Variants in STAC observed in about 807,000 individuals in gnomAD.
STAC encodes SH3 and cysteine rich domain, also known as SH3 and cysteine-rich domain-containing protein.
STAC carries 43 observed loss-of-function variants against 48.8 expected under a neutral mutation model. The observed-to-expected ratio is 0.88, with a 90% CI of 0.69 to 1.14. The LOEUF (loss-of-function observed/expected upper bound fraction) is 1.14. Ranked by LOEUF, STAC falls within the 50% of genes most tolerant of loss-of-function variation. The probability of loss-of-function intolerance (pLI) is 0.00; values close to 1 mark genes in which losing one functional copy is unlikely to be tolerated. For missense variants in STAC, 497 were observed against 504.0 expected (o/e 0.99, Z 0.13); for synonymous variants, 193 against 179.5 (o/e 1.07, Z -0.60).
chr3:36,540,687 C>T (rs1011666579), intron 10 of STAC, among the ~76,000 whole-genome samples: 9 of 152,160 alleles, frequency 5.9e-5, no homozygotes, highest in South Asian at 4.2e-4. Flanking sequence ...GGGAGCTGAA[C>T]GCAGCAACAT....
chr3:36,390,869 A>T (rs955235623), intron 1 of STAC, among the ~76,000 whole-genome samples: 9 of 152,068 alleles, frequency 5.9e-5, no homozygotes, highest in African/African-American at 1.2e-4. Flanking sequence ...AAATTTGAAA[A>T]TTTTTTTCCA....
chr3:36,484,928 C>A, intron 3 of STAC, 49 bp from the exon 4 acceptor site: 1 of 1,476,680 alleles, frequency 6.8e-7, no homozygotes, highest in African/African-American at 1.4e-5. Context: ...GTATGGTTTT[C>A]TCCATCTCCA....
intron 5 of STAC, among the ~76,000 whole-genome samples, chr3:36,487,302 G>A (rs549169897): frequency 5.3e-5 from 8 of 152,324 alleles, no homozygotes; most frequent in South Asian, 2.1e-4. Flanking sequence ...TGAATAGGTC[G>A]GGTAGGCAAG....
At chr3:36,490,862 C>A (rs1252205473) in intron 5 of STAC, among the ~76,000 whole-genome samples, 1 of 152,140 alleles carries the variant, frequency 6.6e-6, no homozygotes, top group Non-Finnish European at 1.5e-5. Flanking sequence ...GTTTTAGGAG[C>A]AAAAAGCATA....
intron 1 of STAC, among the ~76,000 whole-genome samples, chr3:36,394,377 C>T (rs1432174109): frequency 6.6e-6 from 1 of 152,156 alleles, no homozygotes; most frequent in East Asian, 1.9e-4. Flanking sequence ...ACTTCATTGT[C>T]TGTGCTAAGG....
chr3:36,408,228 T>TA (rs1234455951), intron 1 of STAC, among the ~76,000 whole-genome samples: 1 of 152,304 alleles, frequency 6.6e-6, no homozygotes, highest in East Asian at 1.9e-4. Flanking sequence ...ATCCTCTCCA[T>TA]AGGCCCTGCC....
intron 1 of STAC, among the ~76,000 whole-genome samples, chr3:36,432,199 C>T (rs954273907): frequency 1.3e-5 from 2 of 152,164 alleles, no homozygotes; most frequent in Non-Finnish European, 2.9e-5. Context: ...ATCCTCACAA[C>T]AAATCTGCAG....
intron 2 of STAC, among the ~76,000 whole-genome samples, chr3:36,455,760 GGTGTGTGTGT>G (rs71085125): frequency 3.4e-5 from 5 of 149,168 alleles, no homozygotes; most frequent in African/African-American, 7.4e-5. Flanking sequence ...GAAACAGGCA[GGTGTGTGTGT>G]GTGTGTGTGT....
chr3:36,481,814 T>C (rs1697654653), intron 2 of STAC, among the ~76,000 whole-genome samples: 1 of 152,194 alleles, frequency 6.6e-6, no homozygotes, highest in African/African-American at 2.4e-5. Context: ...TTTTAGTTTT[T>C]TCCAAGAATG....
intron 10 of STAC, among the ~76,000 whole-genome samples, chr3:36,545,290 CT>C (rs1699419826): frequency 6.6e-6 from 1 of 152,204 alleles, no homozygotes; most frequent in African/African-American, 2.4e-5. Flanking sequence ...GCAATTCATG[CT>C]CCAGAGCTCC....
intron 1 of STAC, among the ~76,000 whole-genome samples, chr3:36,397,543 T>C (rs1005386417): frequency 3.3e-4 from 50 of 152,044 alleles, no homozygotes; most frequent in African/African-American, 1.1e-3. Context: ...ACCAAAAAAA[T>C]AGCAAAAGAA....
At chr3:36,445,286 C>T (rs933573895) in intron 2 of STAC, among the ~76,000 whole-genome samples, 4 of 152,160 alleles carry the variant, frequency 2.6e-5, no homozygotes, top group Admixed American at 6.5e-5. Flanking sequence ...GAGAGTTGCA[C>T]TGCACTTTTC....
At position 36,390,451 on chromosome 3, in the gene STAC, CTTTTT is replaced by C. The variant is rs59589769; in HGVS notation, c.111+9714_111+9718del. Among the ~76,000 whole-genome samples the C allele has an allele frequency of 3.8e-4, 31 of 80,842 alleles. 1 individual carries two copies. The highest frequency in any genetic ancestry group is 1.1e-3 in the African/African-American group (26 of 23,798). 53.0% of individuals were successfully genotyped at this position (80,842 alleles called of 152,430 possible). A position where few individuals can be genotyped will look rare whatever the true frequency, so the allele number is the denominator to read the frequency against. On this transcript the variant is annotated intron_variant, in intron 1 of 10. Coordinates refer to ENST00000273183, the MANE Select transcript of STAC (RefSeq NM_003149.3). ...GAAGTAATCATGTGATTTTTCTTTT[CTTTTT>C]TTTTTTTTTTTTTTTTGTCCTTTGG...
chr3:36,535,086 T>A (rs1699167504), intron 10 of STAC, among the ~76,000 whole-genome samples: 1 of 152,180 alleles, frequency 6.6e-6, no homozygotes, highest in Non-Finnish European at 1.5e-5. Context: ...TACATGATAC[T>A]TTTTCTTTCT....
At chr3:36,508,112 A>G (rs1230207534) in intron 8 of STAC, among the ~76,000 whole-genome samples, 1 of 152,164 alleles carries the variant, frequency 6.6e-6, no homozygotes. Context: ...AGATTCTGGT[A>G]CATTGTGTCT....
chr3:36,531,917 T>G (rs1699082068), intron 10 of STAC, among the ~76,000 whole-genome samples: 2 of 152,200 alleles, frequency 1.3e-5, no homozygotes, highest in African/African-American at 4.8e-5. Flanking sequence ...ACAATGGTAG[T>G]AAAAAACTTA....
chr3:36,489,327 A>G (rs944825340), intron 5 of STAC, among the ~76,000 whole-genome samples: 1 of 152,164 alleles, frequency 6.6e-6, no homozygotes, highest in Admixed American at 6.5e-5. Context: ...ACTTTTGAAG[A>G]CTGACCTCAG....
chr3:36,499,211 G>A (rs746133929), intron 6 of STAC, among the ~76,000 whole-genome samples: 4 of 152,144 alleles, frequency 2.6e-5, no homozygotes, highest in Non-Finnish European at 5.9e-5. Context: ...AATGTAAGAA[G>A]AAATAAAGAG....
chr3:36,469,525 T>C lies in STAC; in HGVS notation c.389-13467T>C, dbSNP rs1436299153. On this transcript the variant is annotated intron_variant, in intron 2 of 10. Coordinates refer to ENST00000273183, the MANE Select transcript of STAC (RefSeq NM_003149.3). ...GACTCAAGGATTCTTTCCTTTGTCT[T>C]GACTTTACATAAACTGATGACAATG... is the stretch of plus-strand genomic sequence containing the variant. 2.6e-5 allele frequency among the ~76,000 whole-genome samples: 4 copies of C among 152,226 alleles called. No individual in the cohort carries two copies. In the East Asian group the frequency reaches 7.7e-4, roughly 29 times the overall value.
Sources: allele counts gnomAD v4.1 joint callset (sites outside exome capture counted in the v4.1 genomes callset), GRCh38; gene constraint gnomAD v4.1.1; transcripts MANE v1.5; gene names NCBI Gene and HGNC (gene_info 2026-07-23, HGNC 2026-07-21).